The following NPY2R variants were observed in gnomAD, a reference collection of about 807,000 sequenced individuals.
NPY2R encodes neuropeptide Y receptor type 2.
Under a neutral mutation model 22.3 loss-of-function variants are expected in NPY2R, and 17 were observed. That is an observed-to-expected ratio of 0.76 (90% confidence interval 0.52 to 1.14). The LOEUF is 1.14. NPY2R is among the 50% of genes most tolerant of loss of function. The pLI is 0.00. For missense variants in NPY2R, 424 were observed against 467.9 expected, an observed-to-expected ratio of 0.91 and a Z score of 0.87; for synonymous variants, 209 against 183.4, an observed-to-expected ratio of 1.14 and a Z score of -1.13.
the NPY2R span, among the ~76,000 whole-genome samples, chr4:155,198,174 C>T: frequency 6.6e-6 from 1 of 151,938 alleles, no homozygotes; most frequent in African/African-American, 2.4e-5. Context: ...GGGCTTTCCT[C>T]TAAAATGTCA....
chr4:155,196,813 G>C, the NPY2R span, among the ~76,000 whole-genome samples: 94 of 151,974 alleles, frequency 6.2e-4, 1 homozygote, highest in African/African-American at 2.1e-3. Context: ...TACTTATAAA[G>C]CACCTCCGGT....
chr4:155,187,484 CA>C, the NPY2R span, among the ~76,000 whole-genome samples: 1 of 151,930 alleles, frequency 6.6e-6, no homozygotes. Context: ...CACAAAGAAA[CA>C]AACCAGTAGA....
chr4:155,189,985 C>G, the NPY2R span, among the ~76,000 whole-genome samples: 2 of 151,940 alleles, frequency 1.3e-5, 1 homozygote, highest in African/African-American at 4.8e-5. Flanking sequence ...TACATTTGAA[C>G]AAATGCTTTT....
At chr4:155,179,727 A>G in the NPY2R span, among the ~76,000 whole-genome samples, 1 of 152,146 alleles carries the variant, frequency 6.6e-6, no homozygotes, top group Non-Finnish European at 1.5e-5. Flanking sequence ...ACCCAACAGG[A>G]CCCCATGCAG....
the NPY2R span, among the ~76,000 whole-genome samples, chr4:155,178,118 G>A: frequency 6.6e-6 from 1 of 152,108 alleles, no homozygotes. Context: ...ACCAAGCTAA[G>A]GCCAGAGGTT....
the NPY2R span, among the ~76,000 whole-genome samples, chr4:155,182,750 C>G: frequency 6.6e-6 from 1 of 152,034 alleles, no homozygotes; most frequent in South Asian, 2.1e-4. Context: ...ACAGAGAGAA[C>G]ATTCAACCCA....
At chr4:155,183,414 C>T in the NPY2R span, among the ~76,000 whole-genome samples, 1 of 152,092 alleles carries the variant, frequency 6.6e-6, no homozygotes, top group Non-Finnish European at 1.5e-5. Flanking sequence ...AAATGAAATG[C>T]TGTCGTTTTC....
chr4:155,214,476 G>A lies in NPY2R; in HGVS notation c.537G>A (p.Leu179=). The change falls in exon 2 of 2, where the codon CTG becomes CTA. Residue 179 remains leucine, a synonymous_variant. Coordinates refer to ENST00000329476, the MANE Select transcript of NPY2R (RefSeq NM_000910.4). ...TGGCCTGGGGCATCAGTGCCCTGCTGGCAAGTCCCCTGGCCATCTTCCGGG... is the reference window on the plus strand; with the variant it reads ...TGGCCTGGGGCATCAGTGCCCTGCTAGCAAGTCCCCTGGCCATCTTCCGGG... The part of the protein sequence containing the change: ...IGLAWGISAL[L]ASPLAIFREY... 1 of 1,614,094 alleles carries A rather than the reference G, an allele frequency of 6.2e-7. No homozygotes were observed. Among genetic ancestry groups the A allele is most frequent in the Non-Finnish European group, 8.5e-7 (1 of 1,180,004 alleles).
At chr4:155,204,914 C>G (rs1036123922), upstream of NPY2R, among the ~76,000 whole-genome samples, 1 of 151,650 alleles carries the variant, frequency 6.6e-6, no homozygotes, top group African/African-American at 2.4e-5. Flanking sequence ...CCTGCATATG[C>G]CAAAATCCTT....
upstream of NPY2R, among the ~76,000 whole-genome samples, chr4:155,206,359 T>C (rs79004281): frequency 7.9e-3 from 1,203 of 152,332 alleles, 40 homozygotes; most frequent in East Asian, 0.12. Context: ...CACAACTGGG[T>C]TTATGGACAT....
upstream of NPY2R, among the ~76,000 whole-genome samples, chr4:155,205,945 A>C (rs1481898571): frequency 4.6e-5 from 7 of 152,150 alleles, no homozygotes; most frequent in East Asian, 1.3e-3. Flanking sequence ...GATTTTTAAC[A>C]ATATGGATTT....
At chr4:155,196,943 T>C in the NPY2R span, among the ~76,000 whole-genome samples, 5 of 151,962 alleles carry the variant, frequency 3.3e-5, no homozygotes, top group African/African-American at 4.8e-5. Flanking sequence ...ATGAATTAAA[T>C]AGCTAATAGG....
the NPY2R span, among the ~76,000 whole-genome samples, chr4:155,182,560 G>A: frequency 7.9e-5 from 12 of 152,162 alleles, no homozygotes; most frequent in Non-Finnish European, 1.6e-4. Context: ...TAAAGTGTCA[G>A]TGCTATGCAG....
At chr4:155,211,722 A>C (rs978490210) in intron 1 of NPY2R, among the ~76,000 whole-genome samples, 7 of 152,216 alleles carry the variant, frequency 4.6e-5, no homozygotes, top group African/African-American at 1.7e-4. Flanking sequence ...CAAACAATGG[A>C]TGTTGAGACT....
the NPY2R span, among the ~76,000 whole-genome samples, chr4:155,191,844 C>T: frequency 6.6e-6 from 1 of 151,878 alleles, no homozygotes; most frequent in South Asian, 2.1e-4. Context: ...AACTGTCACT[C>T]TTACTTCAGG....
the NPY2R span, among the ~76,000 whole-genome samples, chr4:155,202,709 G>A: frequency 3.3e-5 from 5 of 151,996 alleles, no homozygotes; most frequent in African/African-American, 1.2e-4. Flanking sequence ...GATATCAATA[G>A]TAATTTAGCA....
At chr4:155,192,119 T>C in the NPY2R span, among the ~76,000 whole-genome samples, 1 of 151,868 alleles carries the variant, frequency 6.6e-6, no homozygotes, top group African/African-American at 2.4e-5. Context: ...CCATTTTACC[T>C]TAATCATGAA....
the NPY2R span, among the ~76,000 whole-genome samples, chr4:155,199,271 C>A: frequency 5.3e-5 from 8 of 151,716 alleles, no homozygotes; most frequent in Non-Finnish European, 1.0e-4. Context: ...CAAACAACAT[C>A]TAAAATAGAG....
the NPY2R span, among the ~76,000 whole-genome samples, chr4:155,195,321 T>A: frequency 6.6e-6 from 1 of 151,944 alleles, no homozygotes; most frequent in Non-Finnish European, 1.5e-5. Flanking sequence ...AAGTGCTTCT[T>A]AAAATTAGGT....
Sources: gnomAD v4.1 joint callset for allele counts (sites outside exome capture counted in the v4.1 genomes callset) on GRCh38, gnomAD v4.1.1 for gene constraint, MANE v1.5 for transcripts, NCBI Gene and HGNC (gene_info 2026-07-23, HGNC 2026-07-21) for gene names.